The following AGO4 variants were observed in gnomAD, a reference collection of about 807,000 sequenced individuals.
AGO4 encodes protein argonaute-4.
In AGO4, 33 loss-of-function variants were observed where a neutral mutation model predicts 104.7. That is an observed-to-expected ratio of 0.32 (90% CI 0.24 to 0.42). The LOEUF is 0.42. Among genes scored for constraint, AGO4 ranks in the 10% least tolerant of loss-of-function variants. AGO4 has a pLI of 1.00. For synonymous variants in AGO4, 331 were observed against 364.7 expected (o/e 0.91, Z 1.05); for missense variants, 711 against 1,083.4 (o/e 0.66, Z 4.83).
chr1:35,825,979 G>A lies in AGO4; in HGVS notation c.679G>A (p.Val227Ile). ...GCCTATCATTGAGTTCATGTGTGAG[G>A]TTTTAGACATTCAGAACATCAATGA... The part of the protein sequence containing the change: ...AQPIIEFMCE[V>I]LDIQNINEQT... Residue 227 changes from valine to isoleucine, a missense_variant, in exon 6 of 18, where the codon GTT becomes ATT. Coordinates refer to ENST00000373210, the MANE Select transcript of AGO4 (RefSeq NM_017629.4). 1 of 1,614,128 alleles carries A rather than the reference G, an allele frequency of 6.2e-7. No individual in the cohort carries two copies. The highest frequency in any genetic ancestry group is 1.7e-5 in the Admixed American group (1 of 60,002).
intron 12 of AGO4, among the ~76,000 whole-genome samples, chr1:35,835,156 C>G (rs1276773413): frequency 6.6e-6 from 1 of 151,656 alleles, no homozygotes; most frequent in Non-Finnish European, 1.5e-5. Flanking sequence ...ACTACAGGCA[C>G]GTGCCATCTC....
At chr1:35,812,973 TG>T (rs758493428) in intron 1 of AGO4, among the ~76,000 whole-genome samples, 1 of 152,320 alleles carries the variant, frequency 6.6e-6, no homozygotes, top group East Asian at 1.9e-4. Flanking sequence ...ATGATTTAAT[TG>T]GGTTAATTCA....
Position 35,821,623 on chromosome 1 carries a change from CTT to C in AGO4, c.186-1236_186-1235del, listed in dbSNP as rs1168440003. On this transcript the variant is annotated intron_variant, in intron 2 of 17. Coordinates refer to ENST00000373210, the MANE Select transcript of AGO4 (RefSeq NM_017629.4). Reference sequence around the variant, plus strand: ...TCTGCATGCTTGATTGAGAAAAAGACTTTTATTCTAAAAACAAAGAAGCTATA... The same window carrying C: ...TCTGCATGCTTGATTGAGAAAAAGACTTATTCTAAAAACAAAGAAGCTATA... 3.9e-5 allele frequency among the ~76,000 whole-genome samples: 6 copies of C among 152,254 alleles called. No homozygotes were observed. The East Asian group carries it at 5.8e-4, about 15-fold the overall frequency.
chr1:35,817,007 G>A lies in AGO4; in HGVS notation c.145G>A (p.Val49Met), dbSNP rs781490860. The change falls in exon 2 of 18, where the codon GTG becomes ATG. Residue 49 changes from valine (V) to methionine (M), a missense_variant. This residue lies in a region of AGO4 where 308 missense variants were observed against 397.8 expected (regional missense o/e 0.77). Coordinates refer to ENST00000373210, the MANE Select transcript of AGO4 (RefSeq NM_017629.4). ...IPKIDVYHYDVDIKPEKRPRR... is the reference protein window; with the variant it reads ...IPKIDVYHYDMDIKPEKRPRR... ...TAAAATAGATGTGTATCACTATGAT[G>A]TGGATATTAAGCCTGAAAAACGGCC... The A allele has an allele frequency of 6.2e-7, 1 of 1,613,602 alleles. No individual in the cohort carries two copies. The highest frequency in any genetic ancestry group is 1.1e-5 in the South Asian group (1 of 90,970).
chr1:35,856,374 T>C lies in AGO4; in HGVS notation c.*2769T>C, dbSNP rs1321845022. 1 of 152,254 alleles carries C rather than the reference T, an allele frequency of 6.6e-6. No homozygotes were observed. The highest frequency in any genetic ancestry group is 1.5e-5 in the Non-Finnish European group (1 of 68,040). 9.4% of individuals were successfully genotyped at this position (152,254 alleles called of 1,614,324 possible). A position where few individuals can be genotyped will look rare whatever the true frequency, so the allele number is the denominator to read the frequency against. ...CCCCTCGGGACTGACTGAATCGTTA[T>C]GCATGTGTCAATCAATGGGAGGTGT... On this transcript the variant is annotated 3_prime_UTR_variant, in exon 18 of 18. Coordinates refer to ENST00000373210, the MANE Select transcript of AGO4 (RefSeq NM_017629.4).
At chr1:35,809,013 G>A (rs1643409745) in intron 1 of AGO4, among the ~76,000 whole-genome samples, 1 of 152,214 alleles carries the variant, frequency 6.6e-6, no homozygotes, top group African/African-American at 2.4e-5. Context: ...ATGGTCCTGT[G>A]CCTCTGTCAC....
At chr1:35,834,271 T>A in intron 12 of AGO4, 97 bp downstream of exon 12, 1 of 1,084,284 alleles carries the variant, frequency 9.2e-7, no homozygotes, top group Non-Finnish European at 1.2e-6. Context: ...AACCTCAAAC[T>A]CTCAGTGGTT....
intron 7 of AGO4, among the ~76,000 whole-genome samples, chr1:35,828,245 C>T (rs984791851): frequency 3.7e-4 from 56 of 151,604 alleles, no homozygotes; most frequent in African/African-American, 1.3e-3. Context: ...GCCTCAGCTT[C>T]CTGGGCTCAA....
chr1:35,856,043 C>A lies in AGO4; in HGVS notation c.*2438C>A, dbSNP rs921334427. The A allele has an allele frequency of 6.6e-6, 1 of 152,250 alleles. No individual in the cohort carries two copies. Among genetic ancestry groups the A allele is most frequent in the Non-Finnish European group, 1.5e-5 (1 of 68,058 alleles). 9.4% of individuals were successfully genotyped at this position (152,250 alleles called of 1,614,324 possible). On this transcript the variant is annotated 3_prime_UTR_variant, in exon 18 of 18. Coordinates refer to ENST00000373210, the MANE Select transcript of AGO4 (RefSeq NM_017629.4). ...TGATTAGCTTGTCTTGCTCTACGCT[C>A]GACCTCGAACAATACAGCTTGTAAG...
At chr1:35,822,760 A>C (rs939741081) in intron 2 of AGO4, 102 bp from the exon 3 acceptor site, 17 of 1,450,690 alleles carry the variant, frequency 1.2e-5, no homozygotes, top group Non-Finnish European at 1.6e-5. Flanking sequence ...TACTTTTTCC[A>C]AGTAATACTG....
In AGO4 at chr1:35,841,395, T is replaced by C; in HGVS notation, c.1955T>C (p.Leu652Pro). ...QDLTNMVRELLIQFYKSTRFK... is the reference protein window; with the variant it reads ...QDLTNMVRELPIQFYKSTRFK... ...CTGACTAACATGGTTCGAGAGCTGC[T>C]GATTCAGTTCTACAAATCCACACGC... Residue 652 changes from leucine (L) to proline (P), a missense_variant, in exon 14 of 18, where the codon CTG (leucine) becomes CCG (proline). Coordinates refer to ENST00000373210, the MANE Select transcript of AGO4 (RefSeq NM_017629.4). The surrounding 1 kb of genome is among the most constrained non-coding windows in gnomAD (Gnocchi z 4.7). The C allele has an allele frequency of 6.2e-7, 1 of 1,614,228 alleles. No homozygotes were observed. The highest frequency in any genetic ancestry group is 8.5e-7 in the Non-Finnish European group (1 of 1,180,040).
chr1:35,841,052 C>G lies in AGO4; in HGVS notation c.1725-113C>G. 8.5e-7 allele frequency: 1 copy of G among 1,177,448 alleles called. No homozygotes were observed. The highest frequency in any genetic ancestry group is 1.5e-5 in the South Asian group (1 of 65,882). The allele number at this position is 1,177,448 out of a possible 1,614,324, so 72.9% of individuals were successfully genotyped here. ...GTGTTCTTTCCCAATGGGCTTAAGT[C>G]TTTGTTCTCTCTTATAAGGTTATAT... On this transcript the variant is annotated intron_variant, in intron 13 of 17. Transcript: ENST00000373210. The surrounding 1 kb of genome is among the most constrained non-coding windows in gnomAD (Gnocchi z 4.7).
intron 13 of AGO4, among the ~76,000 whole-genome samples, chr1:35,836,510 C>T (rs1025221222): frequency 6.6e-6 from 1 of 152,122 alleles, no homozygotes; most frequent in Non-Finnish European, 1.5e-5. Context: ...CCCGGGTTCA[C>T]GCCATTCTTC....
At chr1:35,826,122 C>A in intron 6 of AGO4, 62 bp downstream of exon 6, 1 of 1,591,198 alleles carries the variant, frequency 6.3e-7, no homozygotes, top group South Asian at 1.1e-5. Flanking sequence ...GTTGCCTGTG[C>A]TCTGGAGTCA....
Position 35,808,397 on chromosome 1 carries a change from A to T in AGO4, c.-20A>T, listed in dbSNP as rs1327424357. On this transcript the variant is annotated 5_prime_UTR_variant, in exon 1 of 18. Transcript: ENST00000373210. This position sits in a 1 kb window ranked among gnomAD's most constrained non-coding sequence, Gnocchi z 5.2. ...GCGGGAGGCGCCGGGGACCGGGGCG[A>T]GGCGGCCCCCGCCGCCGCCATGGAG... 2.7e-6 allele frequency: 3 copies of T among 1,093,194 alleles called. No individual in the cohort carries two copies. Among genetic ancestry groups the T allele is most frequent in the Non-Finnish European group, 3.3e-6 (3 of 901,964 alleles). The allele number at this position is 1,093,194 out of a possible 1,614,324, so 67.7% of individuals were successfully genotyped here.
At chr1:35,830,980 A>T (rs1644170483) in intron 7 of AGO4, among the ~76,000 whole-genome samples, 1 of 151,876 alleles carries the variant, frequency 6.6e-6, no homozygotes. Flanking sequence ...TCACAAAAAA[A>T]AAAAAAAAAA....
At position 35,808,576 on chromosome 1, in the gene AGO4, C is replaced by G. The variant is rs1367873154; in HGVS notation, c.19+141C>G. The G allele has an allele frequency of 1.3e-6, 1 of 757,108 alleles. No individual in the cohort carries two copies. The highest frequency in any genetic ancestry group is 7.3e-5 in the East Asian group (1 of 13,648). The allele number at this position is 757,108 out of a possible 1,614,324, so 46.9% of individuals were successfully genotyped here. A position where few individuals can be genotyped will look rare whatever the true frequency, so the allele number is the denominator to read the frequency against. On this transcript the variant is annotated intron_variant, in intron 1 of 17. Coordinates refer to ENST00000373210, the MANE Select transcript of AGO4 (RefSeq NM_017629.4). This position sits in a 1 kb window ranked among gnomAD's most constrained non-coding sequence, Gnocchi z 5.2. ...GGGACCCGAGCCCCGCAGCACGAAG[C>G]GGAGGGAGCTGACCCGGGCCTGGGG...
chr1:35,855,642 T>G lies in AGO4; in HGVS notation c.*2037T>G, dbSNP rs568268323. 207 of 149,734 alleles carry G rather than the reference T, an allele frequency of 1.4e-3. 2 individuals carry two copies. Among genetic ancestry groups the G allele is most frequent in the African/African-American group, 5.0e-3 (200 of 40,232 alleles). 9.3% of individuals were successfully genotyped at this position (149,734 alleles called of 1,614,324 possible). ...GAAGAGATGGCAGATGTTAATTTCT[T>G]AAAATTTTCCTTTTTTTTTTTTTTT... is the stretch of plus-strand genomic sequence containing the variant. On this transcript the variant is annotated 3_prime_UTR_variant, in exon 18 of 18. Transcript: ENST00000373210.
intron 1 of AGO4, among the ~76,000 whole-genome samples, chr1:35,812,282 A>G (rs1165763729): frequency 1.3e-5 from 2 of 152,216 alleles, no homozygotes; most frequent in Non-Finnish European, 2.9e-5. Context: ...TATTAAAAGA[A>G]ATTATCACTC....
Sources: gnomAD v4.1 joint callset for allele counts (sites outside exome capture counted in the v4.1 genomes callset) on GRCh38, gnomAD v4.1.1 for gene constraint, gnomAD v4.1.1 regional missense constraint, Gnocchi (gnomAD v3.1) non-coding constraint, MANE v1.5 for transcripts, NCBI Gene and HGNC (gene_info 2026-07-23, HGNC 2026-07-21) for gene names.